CACNA1G: variants seen among roughly 807,000 people sequenced by gnomAD.
CACNA1G encodes calcium voltage-gated channel subunit alpha1 G.
In CACNA1G, 67 loss-of-function variants were observed where a neutral mutation model predicts 219.4. That is an observed-to-expected ratio of 0.31 (90% confidence interval 0.25 to 0.37). CACNA1G has a LOEUF of 0.37. Among genes scored for constraint, CACNA1G ranks in the 10% least tolerant of loss-of-function variants. The pLI is 1.00. For missense variants in CACNA1G, 2,380 were observed against 3,231.4 expected (o/e 0.74, Z 6.39); for synonymous variants, 1,296 against 1,345.3 (o/e 0.96, Z 0.80).
intron 7 of CACNA1G, 99 bp from the exon 8 acceptor site, chr17:50,575,443 GC>G: frequency 8.5e-7 from 1 of 1,176,228 alleles, no homozygotes. Context: ...AAATAACTGA[GC>G]GTGGCGCTTG....
At chr17:50,619,031 C>G in intron 33 of CACNA1G, 23 bp downstream of exon 33, 1 of 1,482,676 alleles carries the variant, frequency 6.7e-7, no homozygotes. Context: ...CCACCCCAGC[C>G]GTGAGAGGAG....
intron 9 of CACNA1G, among the ~76,000 whole-genome samples, chr17:50,585,907 C>A (rs1272662199): frequency 1.3e-5 from 2 of 152,162 alleles, no homozygotes; most frequent in African/African-American, 2.4e-5. Flanking sequence ...GCTGAGGAGT[C>A]TGAACAGAAG....
In CACNA1G at chr17:50,569,701, T is replaced by C; in HGVS notation, c.489-5T>C. 6 of 1,548,550 alleles carry C rather than the reference T, an allele frequency of 3.9e-6. No homozygotes were observed. Among genetic ancestry groups the C allele is most frequent in the Non-Finnish European group, 5.2e-6 (6 of 1,145,624 alleles). ...AAGGGCCTCCCTTTGGGCCCCTCCC[T>C]GCAGGATGCTGGAGTACTCGCTGGA... On this transcript the variant is annotated splice_region_variant and splice_polypyrimidine_tract_variant and intron_variant, in intron 3 of 37. Transcript: ENST00000359106.
rs1383512178 is a variant in CACNA1G, at chr17:50,561,581, C to T, written c.122C>T (p.Pro41Leu). ...GGGCCGGGGTCAGCAGAAAAGGACC[C>T]GGGCAGCGCGGACTCCGAGGCGGAG... is the stretch of plus-strand genomic sequence containing the variant. ...RPGPGSAEKDPGSADSEAEGL... is the reference protein window; with the variant it reads ...RPGPGSAEKDLGSADSEAEGL... Residue 41 changes from proline (P) to leucine (L), a missense_variant, in exon 1 of 38, where the codon CCG (proline) becomes CTG (leucine). This residue lies in a region of CACNA1G where 98 missense variants were observed against 85.5 expected (regional missense o/e 1.15). Coordinates refer to ENST00000359106, the MANE Select transcript of CACNA1G (RefSeq NM_018896.5). The T allele has an allele frequency of 1.3e-6, 2 of 1,560,144 alleles. No homozygotes were observed. The highest frequency in any genetic ancestry group is 1.8e-4 in the Middle Eastern group (1 of 5,710).
In CACNA1G at chr17:50,576,475, C is replaced by T. The variant is rs918067212; in HGVS notation, c.1924+149C>T. On this transcript the variant is annotated intron_variant, in intron 8 of 37. Coordinates refer to ENST00000359106, the MANE Select transcript of CACNA1G (RefSeq NM_018896.5). The stretch of plus-strand genomic sequence containing the variant: ...CTTAGGCACCTTCAACCAGTCACAT[C>T]CCTGCTATGAGCTCGAATTTTCTCA... The T allele has an allele frequency of 6.8e-6, 5 of 736,508 alleles. No individual in the cohort carries two copies. In the Admixed American group the frequency reaches 1.3e-4, roughly 19 times the overall value. 45.6% of individuals were successfully genotyped at this position (736,508 alleles called of 1,614,324 possible).
Position 50,569,722 on chromosome 17 carries a change from C to T in CACNA1G, c.505C>T (p.Leu169=). The T allele has an allele frequency of 6.4e-7, 1 of 1,550,710 alleles. No individual in the cohort carries two copies. Among genetic ancestry groups the T allele is most frequent in the South Asian group, 1.2e-5 (1 of 84,060 alleles). Residue 169 remains leucine (L), a synonymous_variant, in exon 4 of 38, where the codon CTG becomes TTG. Transcript: ENST00000359106. The part of the protein sequence containing the change: ...IVIAGMLEYS[L]DLQNVSFSAV... ...TCCCTGCAGGATGCTGGAGTACTCG[C>T]TGGACCTGCAGAACGTCAGCTTCTC...
At chr17:50,587,850 G>A (rs1294058483) in intron 9 of CACNA1G, among the ~76,000 whole-genome samples, 1 of 152,138 alleles carries the variant, frequency 6.6e-6, no homozygotes, top group Non-Finnish European at 1.5e-5. Flanking sequence ...TTCTCCATAA[G>A]CCTCTCGGTG....
At chr17:50,592,270 C>A (rs2044483963) in intron 13 of CACNA1G, among the ~76,000 whole-genome samples, 178 bp downstream of exon 13, 1 of 152,132 alleles carries the variant, frequency 6.6e-6, no homozygotes, top group African/African-American at 2.4e-5. Flanking sequence ...CTCGTGCAGC[C>A]CCTCATCACA....
chr17:50,624,324 T>TCCCCCCC, intron 36 of CACNA1G, 36 bp from the exon 37 acceptor site: 2 of 1,177,662 alleles, frequency 1.7e-6, no homozygotes, highest in Admixed American at 4.1e-5. Flanking sequence ...CTCCATTCTC[T>TCCCCCCC]CCCCCCACCC....
intron 1 of CACNA1G, chr17:50,562,046 T>A (rs1293503146): frequency 1.6e-5 from 3 of 182,896 alleles, no homozygotes; most frequent in African/African-American, 7.4e-5. Flanking sequence ...ATCCTCCAGA[T>A]GTGGGAAGCT....
chr17:50,572,120 T>G, intron 5 of CACNA1G, 83 bp downstream of exon 5: 1 of 1,420,506 alleles, frequency 7.0e-7, no homozygotes, highest in Non-Finnish European at 9.6e-7. Context: ...TTCCGGTTGC[T>G]ACTGACATAT....
rs553830890 is a variant in CACNA1G, at chr17:50,592,855, A to G, written c.2910+763A>G. ...TTGGGTCTGGAGAAGCTCTTGGTCCAGTTCTCTCTGGGTGACCCGGATGGA... is the reference window on the plus strand; with the variant it reads ...TTGGGTCTGGAGAAGCTCTTGGTCCGGTTCTCTCTGGGTGACCCGGATGGA... On this transcript the variant is annotated intron_variant, in intron 13 of 37. Transcript: ENST00000359106. 3.9e-4 allele frequency among the ~76,000 whole-genome samples: 59 copies of G among 152,266 alleles called. No homozygotes were observed. The South Asian group carries it at 4.8e-3, about 12-fold the overall frequency.
Position 50,599,412 on chromosome 17 carries a change from C to T in CACNA1G, c.3259-16C>T. 1 of 1,525,720 alleles carries T rather than the reference C, an allele frequency of 6.6e-7. No homozygotes were observed. The highest frequency in any genetic ancestry group is 8.8e-7 in the Non-Finnish European group (1 of 1,136,542). The allele number at this position is 1,525,720 out of a possible 1,614,324, so 94.5% of individuals were successfully genotyped here. A position where few individuals can be genotyped will look rare whatever the true frequency, so the allele number is the denominator to read the frequency against. On this transcript the variant is annotated splice_polypyrimidine_tract_variant and intron_variant, in intron 16 of 37. Transcript: ENST00000359106. Reference sequence around the variant, plus strand: ...TGGGCCCTGCCTGAGACCACTCCTCCCCTGCTCACCCACAGCCCAGCGCCC... The same window carrying T: ...TGGGCCCTGCCTGAGACCACTCCTCTCCTGCTCACCCACAGCCCAGCGCCC...
In CACNA1G at chr17:50,575,660, G is replaced by A. The variant is rs1431145850; in HGVS notation, c.1258G>A (p.Ala420Thr). ...REQRVRFLSNASTLASFSEPG... is the reference protein window; with the variant it reads ...REQRVRFLSNTSTLASFSEPG... ...GCAGCGTGTGCGGTTCCTGTCCAAC[G>A]CCAGCACCCTGGCTAGCTTCTCTGA... The change falls in exon 8 of 38, where the codon GCC becomes ACC. Residue 420 changes from alanine (A) to threonine (T), a missense_variant. This residue lies in a region of CACNA1G where 72 missense variants were observed against 175.8 expected (regional missense o/e 0.41). Coordinates refer to ENST00000359106, the MANE Select transcript of CACNA1G (RefSeq NM_018896.5). 3.1e-6 allele frequency: 5 copies of A among 1,613,280 alleles called. No homozygotes were observed. Among genetic ancestry groups the A allele is most frequent in the Admixed American group, 1.7e-5 (1 of 59,950 alleles).
intron 9 of CACNA1G, among the ~76,000 whole-genome samples, chr17:50,586,402 C>A (rs2042997021): frequency 6.6e-6 from 1 of 152,186 alleles, no homozygotes; most frequent in African/African-American, 2.4e-5. Context: ...GCACTGTGCC[C>A]TGCACACCCC....
At chr17:50,619,409 GCT>G (rs138624216) in intron 33 of CACNA1G, among the ~76,000 whole-genome samples, 1 of 150,380 alleles carries the variant, frequency 6.6e-6, no homozygotes, top group East Asian at 2.0e-4. Flanking sequence ...TCTCTTTACC[GCT>G]CTCTCTCTCT....
intron 9 of CACNA1G, among the ~76,000 whole-genome samples, chr17:50,586,539 G>A (rs1382783569): frequency 1.3e-5 from 2 of 152,214 alleles, no homozygotes; most frequent in East Asian, 3.8e-4. Context: ...CCAGTGTGGT[G>A]TTTAGTTGCA....
chr17:50,625,510 T>C (rs1287522473), intron 37 of CACNA1G, among the ~76,000 whole-genome samples: 1 of 152,138 alleles, frequency 6.6e-6, no homozygotes, highest in Non-Finnish European at 1.5e-5. Flanking sequence ...GCCAGACACC[T>C]ATGTGTGGAG....
chr17:50,592,768 C>T (rs538564819), intron 13 of CACNA1G, among the ~76,000 whole-genome samples: 1 of 152,300 alleles, frequency 6.6e-6, no homozygotes, highest in Admixed American at 6.5e-5. Context: ...AGCCCCCAGA[C>T]CCACCCCAGC....
Sources: gnomAD v4.1 joint callset for allele counts (sites outside exome capture counted in the v4.1 genomes callset) on GRCh38, gnomAD v4.1.1 for gene constraint, gnomAD v4.1.1 regional missense constraint, MANE v1.5 for transcripts, NCBI Gene and HGNC (gene_info 2026-07-23, HGNC 2026-07-21) for gene names.